Variants in CHI3L2 observed in about 807,000 individuals in gnomAD.
CHI3L2 encodes the protein chitinase 3 like 2, also known as chitinase-3-like protein 2.
CHI3L2 carries 47 observed loss-of-function variants against 47.3 expected under a neutral mutation model. The ratio of observed to expected loss-of-function variants is 0.99; its 90% CI spans 0.79 to 1.27. The LOEUF (loss-of-function observed/expected upper bound fraction) is 1.27. Among genes scored for constraint, CHI3L2 ranks in the 50% most tolerant of loss-of-function variants. CHI3L2 has a pLI of 0.00. For synonymous variants in CHI3L2, 198 were observed against 169.9 expected (o/e 1.17, Z -1.28); for missense variants, 497 against 462.1 (o/e 1.08, Z -0.69).
At chr1:111,230,484 G>T (rs1336468409) in intron 2 of CHI3L2, among the ~76,000 whole-genome samples, 1 of 152,030 alleles carries the variant, frequency 6.6e-6, no homozygotes, top group Non-Finnish European at 1.5e-5. Context: ...GAACTCCTGG[G>T]CTCAAGAAGT....
In CHI3L2 at chr1:111,235,109, GTACTC is replaced by G. The variant is rs778939926; in HGVS notation, c.480+54_480+58del. The G allele has an allele frequency of 3.4e-5, 53 of 1,581,144 alleles. No individual in the cohort carries two copies. The South Asian group carries it at 5.7e-4, about 17-fold the overall frequency. ...TGAGTCAGATGCCACGGTGTACTCA[GTACTC>G]TGATATCCAGAATCCATGGCCACAT... On this transcript the variant is annotated intron_variant, in intron 5 of 10. Coordinates refer to ENST00000369748, the MANE Select transcript of CHI3L2 (RefSeq NM_004000.3).
At chr1:111,229,034 A>G (rs1571221547) in intron 1 of CHI3L2, among the ~76,000 whole-genome samples, 1 of 152,352 alleles carries the variant, frequency 6.6e-6, no homozygotes, top group East Asian at 1.9e-4. Flanking sequence ...TTGTTTATAC[A>G]TAGTGGGACC....
chr1:111,229,222 A>G lies in CHI3L2; in HGVS notation c.41-630A>G, dbSNP rs548879256. Among the ~76,000 whole-genome samples, 26 of 152,372 alleles carry G rather than the reference A, an allele frequency of 1.7e-4. 1 individual carries two copies. Among genetic ancestry groups the G allele is most frequent in the African/African-American group, 6.0e-4 (25 of 41,590 alleles). On this transcript the variant is annotated intron_variant, in intron 1 of 10. Transcript: ENST00000369748. ...TGAGTGCAGGGAAGGCATTAACTGC[A>G]TTATAATTTCCCCAGTGTCCTGAGC...
chr1:111,240,681 A>G (rs1181052041), intron 8 of CHI3L2, among the ~76,000 whole-genome samples: 1 of 152,194 alleles, frequency 6.6e-6, no homozygotes, highest in African/African-American at 2.4e-5. Context: ...GTAATCCTAA[A>G]TGGATTTTCT....
In CHI3L2 at chr1:111,235,674, A is replaced by G; in HGVS notation, c.516A>G (p.Lys172=). ...LAEAFQKDFT[K]STKERLLLTA... ...AAGCCTTTCAGAAGGACTTCACAAA[A>G]TCCACCAAGGAAAGGCTTCTCTTGA... is the stretch of plus-strand genomic sequence containing the variant. The change falls in exon 6 of 11, where the codon AAA becomes AAG. Residue 172 remains lysine, a synonymous_variant. Transcript: ENST00000369748. 14 of 1,614,168 alleles carry G rather than the reference A, an allele frequency of 8.7e-6. No individual in the cohort carries two copies. Among genetic ancestry groups the G allele is most frequent in the Non-Finnish European group, 1.2e-5 (14 of 1,180,012 alleles).
At chr1:111,234,182 G>T (rs1327927211) in intron 4 of CHI3L2, among the ~76,000 whole-genome samples, 1 of 131,676 alleles carries the variant, frequency 7.6e-6, no homozygotes, top group Non-Finnish European at 1.6e-5. Context: ...ACCCAAGAAT[G>T]ATCAATAAAA....
intron 7 of CHI3L2, among the ~76,000 whole-genome samples, chr1:111,237,327 C>T (rs1372438636): frequency 1.3e-5 from 2 of 152,190 alleles, no homozygotes; most frequent in African/African-American, 2.4e-5. Flanking sequence ...ACAAGGACAG[C>T]TTGGAGGTTA....
intron 8 of CHI3L2, chr1:111,239,300 C>T (rs971767470): frequency 5.3e-6 from 1 of 188,280 alleles, no homozygotes; most frequent in African/African-American, 2.4e-5. Context: ...GACATTGGTC[C>T]TGCTCATGAG....
At chr1:111,239,013 G>C (rs993552154) in intron 8 of CHI3L2, 81 bp downstream of exon 8, 2 of 1,371,498 alleles carry the variant, frequency 1.5e-6, no homozygotes, top group East Asian at 2.4e-5. Context: ...GCAGAGTAAA[G>C]CATCCTGAGT....
intron 7 of CHI3L2, among the ~76,000 whole-genome samples, chr1:111,238,112 C>T (rs1230069603): frequency 6.6e-6 from 1 of 152,142 alleles, no homozygotes; most frequent in Non-Finnish European, 1.5e-5. Flanking sequence ...TCTAGTTGTC[C>T]TGCGTTTCTG....
intron 5 of CHI3L2, 28 bp downstream of exon 5, chr1:111,235,085 G>A (rs1022124022): frequency 1.3e-5 from 21 of 1,609,896 alleles, no homozygotes; most frequent in Non-Finnish European, 1.8e-5. Flanking sequence ...TAATTCATGT[G>A]AGTCAGATGC....
At chr1:111,242,202 G>A in intron 9 of CHI3L2, 25 bp from the exon 10 acceptor site, 2 of 1,613,916 alleles carry the variant, frequency 1.2e-6, no homozygotes, top group East Asian at 2.2e-5. Context: ...TCGAATCTCT[G>A]TGTATCCTTC....
chr1:111,235,329 G>C (rs1312964843), intron 5 of CHI3L2, among the ~76,000 whole-genome samples: 2 of 152,202 alleles, frequency 1.3e-5, no homozygotes, highest in East Asian at 3.9e-4. Context: ...CCATATGAAA[G>C]AGGGTGTAGC....
At chr1:111,231,726 G>C (rs907664139) in intron 4 of CHI3L2, among the ~76,000 whole-genome samples, 18 of 152,202 alleles carry the variant, frequency 1.2e-4, no homozygotes, top group African/African-American at 4.3e-4. Flanking sequence ...GCAGTCAGTG[G>C]AGTACAATGT....
rs1289862659 is a variant in CHI3L2, at chr1:111,236,965, TG to T, written c.735+813del. On this transcript the variant is annotated intron_variant, in intron 7 of 10. Transcript: ENST00000369748. ...GGTTTTTCTCGCTGTCTTTTGCTCTTGTTTGGGATCACAGAACTGGTTGAGC... is the reference window on the plus strand; with the variant it reads ...GGTTTTTCTCGCTGTCTTTTGCTCTTTTTGGGATCACAGAACTGGTTGAGC... Among the ~76,000 whole-genome samples, 16 of 152,296 alleles carry T rather than the reference TG, an allele frequency of 1.1e-4. 1 individual carries two copies. The East Asian group carries it at 3.1e-3, about 29-fold the overall frequency.
chr1:111,227,740 C>T lies in CHI3L2; in HGVS notation c.11C>T (p.Thr4Ile). The T allele has an allele frequency of 6.2e-7, 1 of 1,614,180 alleles. No individual in the cohort carries two copies. Among genetic ancestry groups the T allele is most frequent in the Non-Finnish European group, 8.5e-7 (1 of 1,180,014 alleles). Residue 4 changes from threonine (T) to isoleucine (I), a missense_variant, in exon 1 of 11, where the codon ACC becomes ATC. Coordinates refer to ENST00000369748, the MANE Select transcript of CHI3L2 (RefSeq NM_004000.3). ...AAGCTGGCCAAGGATATGGGAGCAA[C>T]CACCATGGACCAGAAGTCTCTCTGG... MGA[T>I]TMDQKSLWAG...
chr1:111,238,881 T>G lies in CHI3L2; in HGVS notation c.867T>G (p.Pro289=), dbSNP rs1447256214. 6.2e-7 allele frequency: 1 copy of G among 1,613,248 alleles called. No homozygotes were observed. Among genetic ancestry groups the G allele is most frequent in the African/African-American group, 1.3e-5 (1 of 74,892 alleles). Residue 289 remains proline (P), a synonymous_variant, in exon 8 of 11, where the codon CCT becomes CCG. Coordinates refer to ENST00000369748, the MANE Select transcript of CHI3L2 (RefSeq NM_004000.3). ...ETTVGAPASG[P]GAAGPITESS... is the part of the protein sequence containing the mutation. ...CCGTGGGGGCCCCTGCCTCTGGCCC[T>G]GGAGCTGCTGGACCCATCACAGAGT...
chr1:111,229,792 T>C, intron 1 of CHI3L2, 60 bp from the exon 2 acceptor site: 3 of 1,605,038 alleles, frequency 1.9e-6, no homozygotes, highest in Non-Finnish European at 2.6e-6. Context: ...ACTGCCATTA[T>C]CTGGGACAGC....
At chr1:111,235,906 C>T in intron 6 of CHI3L2, 118 bp from the exon 7 acceptor site, 3 of 1,540,858 alleles carry the variant, frequency 1.9e-6, no homozygotes, top group Non-Finnish European at 2.6e-6. Flanking sequence ...CCAGGAACAA[C>T]TTCTTTACAG....
Sources: allele counts gnomAD v4.1 joint callset (sites outside exome capture counted in the v4.1 genomes callset), GRCh38; gene constraint gnomAD v4.1.1; transcripts MANE v1.5; gene names NCBI Gene and HGNC (gene_info 2026-07-23, HGNC 2026-07-21).